The following ATP2C1 variants were observed in gnomAD, a reference collection of about 807,000 sequenced individuals.
The protein encoded by ATP2C1 is calcium-transporting ATPase type 2C member 1.
In ATP2C1, 31 loss-of-function variants were observed where a neutral mutation model predicts 120.5. The ratio of observed to expected loss-of-function variants is 0.26; its 90% CI spans 0.19 to 0.35. ATP2C1 has a LOEUF of 0.35. Ranked by LOEUF, ATP2C1 falls within the 10% of genes least tolerant of loss-of-function variation. ATP2C1 has a pLI of 1.00. For synonymous variants in ATP2C1, 351 were observed against 358.7 expected, an observed-to-expected ratio of 0.98 and a Z score of 0.24; for missense variants, 731 against 1,107.5, an observed-to-expected ratio of 0.66 and a Z score of 4.83.
chr3:130,941,351 A>C (rs1205853936), intron 7 of ATP2C1, among the ~76,000 whole-genome samples: 6 of 152,158 alleles, frequency 3.9e-5, no homozygotes, highest in Non-Finnish European at 8.8e-5. Flanking sequence ...AGTGATTCAC[A>C]ATCAAACAGA....
chr3:130,854,965 C>T (rs115533674), intron 1 of ATP2C1, among the ~76,000 whole-genome samples: 2 of 152,306 alleles, frequency 1.3e-5, no homozygotes, highest in Non-Finnish European at 2.9e-5. Context: ...CAAACATGCT[C>T]CTCCCCAGGT....
At chr3:130,960,451 C>CTAG (rs1221797781) in intron 12 of ATP2C1, among the ~76,000 whole-genome samples, 1 of 152,154 alleles carries the variant, frequency 6.6e-6, no homozygotes, top group Non-Finnish European at 1.5e-5. Flanking sequence ...AAGGACATGT[C>CTAG]TAGTTACAAG....
intron 17 of ATP2C1, among the ~76,000 whole-genome samples, chr3:130,969,891 C>T (rs924528060): frequency 5.3e-5 from 8 of 152,176 alleles, no homozygotes; most frequent in Non-Finnish European, 1.0e-4. Flanking sequence ...TATTTTAAGC[C>T]GCCACCTTGT....
intron 1 of ATP2C1, among the ~76,000 whole-genome samples, chr3:130,888,478 G>A (rs1484824447): frequency 6.6e-6 from 1 of 152,212 alleles, no homozygotes; most frequent in Admixed American, 6.5e-5. Context: ...CTATGGTGGT[G>A]AGGCTTGCCA....
intron 1 of ATP2C1, among the ~76,000 whole-genome samples, chr3:130,873,420 A>C (rs1027144968): frequency 2.6e-5 from 4 of 152,142 alleles, no homozygotes; most frequent in Non-Finnish European, 5.9e-5. Flanking sequence ...TTGAGCATTA[A>C]ATTTAATTAT....
At chr3:130,993,824 TA>T in intron 21 of ATP2C1, 107 bp from the exon 22 acceptor site, 1 of 1,118,640 alleles carries the variant, frequency 8.9e-7, no homozygotes, top group Non-Finnish European at 1.3e-6. Context: ...ATATTATTTC[TA>T]ATCTTAATTA....
intron 26 of ATP2C1, chr3:131,015,982 C>T: frequency 1.2e-6 from 1 of 862,884 alleles, no homozygotes; most frequent in South Asian, 1.5e-5. Flanking sequence ...CCGTTTCCAG[C>T]TCTTCAGCTG....
In ATP2C1 at chr3:130,996,772, T is replaced by C; in HGVS notation, c.2219T>C (p.Ile740Thr). Residue 740 changes from isoleucine (I) to threonine (T), a missense_variant, in exon 24 of 28, where the codon ATT (isoleucine) becomes ACT (threonine). Ile to Thr is a moderately conservative substitution (Grantham distance 89, BLOSUM62 -1). This residue lies in a region of ATP2C1 where 19 missense variants were observed against 60.0 expected (regional missense o/e 0.32). Coordinates refer to ENST00000510168, the MANE Select transcript of ATP2C1 (RefSeq NM_001378687.1). The stretch of plus-strand genomic sequence containing the variant: ...ATGCAGATTTTGTGGATCAATATTA[T>C]TATGGATGGACCCCCAGCTCAGAGG... ...NAMQILWINI[I>T]MDGPPAQSLG... 1 of 1,610,572 alleles carries C rather than the reference T, an allele frequency of 6.2e-7. No homozygotes were observed. Among genetic ancestry groups the C allele is most frequent in the Non-Finnish European group, 8.5e-7 (1 of 1,176,830 alleles).
intron 8 of ATP2C1, among the ~76,000 whole-genome samples, chr3:130,946,316 A>G (rs550928336): frequency 1.3e-5 from 2 of 152,228 alleles, no homozygotes; most frequent in African/African-American, 2.4e-5. Context: ...TTTTAATCTC[A>G]TGAATCCTTG....
At chr3:130,929,068 C>T (rs949506819) in intron 2 of ATP2C1, among the ~76,000 whole-genome samples, 2 of 152,238 alleles carry the variant, frequency 1.3e-5, no homozygotes, top group Non-Finnish European at 2.9e-5. Context: ...TAAGTTTTTA[C>T]ATTTCTTAAT....
In ATP2C1 at chr3:131,016,173, G is replaced by A. The variant is rs767405376; in HGVS notation, c.2651G>A (p.Trp884Ter). 5.6e-6 allele frequency: 9 copies of A among 1,614,006 alleles called. No homozygotes were observed. In the South Asian group the frequency reaches 9.9e-5, roughly 18 times the overall value. ...TTAGGTCTGGCTCTGGGAGAGGAGTGGACAGCAGCTGGTTGAGATACATCC... is the reference window on the plus strand; with the variant it reads ...TTAGGTCTGGCTCTGGGAGAGGAGTAGACAGCAGCTGGTTGAGATACATCC... The change falls in exon 27 of 27, where the codon TGG becomes TAG. Residue 884 changes from tryptophan to a stop codon, truncating the protein, a stop_gained. Transcript: ENST00000328560. LOFTEE classifies it high-confidence loss of function.
intron 1 of ATP2C1, among the ~76,000 whole-genome samples, chr3:130,862,653 A>G (rs896305266): frequency 2.0e-5 from 3 of 152,238 alleles, no homozygotes; most frequent in African/African-American, 7.2e-5. Context: ...ACATATTTAT[A>G]TGAAGATTTC....
chr3:130,867,280 A>G (rs966308558), intron 1 of ATP2C1, among the ~76,000 whole-genome samples: 6 of 151,586 alleles, frequency 4.0e-5, no homozygotes, highest in Non-Finnish European at 5.9e-5. Flanking sequence ...CTTTAAATCA[A>G]AAAATAGAAA....
At chr3:130,977,262 G>A (rs1340802822) in intron 18 of ATP2C1, among the ~76,000 whole-genome samples, 1 of 152,106 alleles carries the variant, frequency 6.6e-6, no homozygotes, top group Non-Finnish European at 1.5e-5. Context: ...TGATTCTGGG[G>A]CTTTGACCCT....
At chr3:130,943,320 A>G (rs910249813) in intron 8 of ATP2C1, among the ~76,000 whole-genome samples, 5 of 152,046 alleles carry the variant, frequency 3.3e-5, no homozygotes, top group African/African-American at 1.2e-4. Flanking sequence ...GGTTCAAGCA[A>G]TTCTCCTGCC....
In ATP2C1 at chr3:131,002,699, T is replaced by A. The variant is rs1210331940; in HGVS notation, c.*1349T>A. ...CAGGTTTAATCCTTCTTGAAGCCAA[T>A]AAGTTTTATCTTTTATAATCTGTCA... On this transcript the variant is annotated 3_prime_UTR_variant, in exon 28 of 28. Coordinates refer to ENST00000510168, the MANE Select transcript of ATP2C1 (RefSeq NM_001378687.1). The A allele has an allele frequency of 2.0e-6, 2 of 985,322 alleles. No homozygotes were observed. Among genetic ancestry groups the A allele is most frequent in the Admixed American group, 1.2e-4 (2 of 16,266 alleles). The allele number at this position is 985,322 out of a possible 1,614,324, so 61.0% of individuals were successfully genotyped here.
At chr3:130,905,496 T>A (rs1431642978) in intron 2 of ATP2C1, among the ~76,000 whole-genome samples, 1 of 152,126 alleles carries the variant, frequency 6.6e-6, no homozygotes, top group Non-Finnish European at 1.5e-5. Context: ...AGTGACCTAT[T>A]CATTCCCTGG....
chr3:130,979,557 C>T (rs2061666344), intron 19 of ATP2C1, 138 bp downstream of exon 19: 1 of 985,986 alleles, frequency 1.0e-6, no homozygotes, highest in Non-Finnish European at 1.5e-6. Flanking sequence ...TGGTTTTGCT[C>T]ATGGTCTATA....
intron 1 of ATP2C1, among the ~76,000 whole-genome samples, chr3:130,865,142 A>G (rs2068128572): frequency 6.6e-6 from 1 of 152,210 alleles, no homozygotes; most frequent in African/African-American, 2.4e-5. Context: ...TTGCATCAGC[A>G]TGACCTGGAT....
Sources: gnomAD v4.1 joint callset for allele counts (sites outside exome capture counted in the v4.1 genomes callset) on GRCh38, gnomAD v4.1.1 for gene constraint, gnomAD v4.1.1 regional missense constraint, MANE v1.5 for transcripts, NCBI Gene and HGNC (gene_info 2026-07-23, HGNC 2026-07-21) for gene names.